The following EYS variants were observed in gnomAD, a reference collection of about 807,000 sequenced individuals.
EYS encodes EGF-like photoreceptor maintenance factor.
A neutral mutation model predicts 282.1 loss-of-function variants in EYS; 250 were observed. That is an observed-to-expected ratio of 0.89 (90% CI 0.80 to 0.98). The LOEUF is 0.98. EYS is among the 50% of genes least tolerant of loss of function. The probability of loss-of-function intolerance (pLI) is 0.00; values close to 1 mark genes in which losing one functional copy is unlikely to be tolerated. For synonymous variants in EYS, 1,355 were observed against 1,282.9 expected (o/e 1.06, Z -1.20); for missense variants, 4,016 against 3,709.0 (o/e 1.08, Z -2.15).
chr6:64,028,656 T>C (rs1308811605), intron 33 of EYS, among the ~76,000 whole-genome samples: 1 of 152,186 alleles, frequency 6.6e-6, no homozygotes, highest in Non-Finnish European at 1.5e-5. Flanking sequence ...GTGGATGGTC[T>C]TGCCCCAAGG....
chr6:64,477,142 G>A (rs142125307), intron 26 of EYS, among the ~76,000 whole-genome samples: 314 of 152,190 alleles, frequency 2.1e-3, no homozygotes, highest in African/African-American at 6.8e-3. Context: ...TTCCCTTCAA[G>A]GGTTCTACAC....
chr6:64,139,996 A>C (rs985832324), intron 31 of EYS, among the ~76,000 whole-genome samples: 2 of 145,496 alleles, frequency 1.4e-5, no homozygotes, highest in African/African-American at 5.6e-5. Context: ...TAAATAAATA[A>C]ATAAATAAAT....
intron 29 of EYS, among the ~76,000 whole-genome samples, chr6:64,311,538 G>A (rs1769701939): frequency 6.6e-6 from 1 of 152,102 alleles, no homozygotes; most frequent in Admixed American, 6.5e-5. Flanking sequence ...TATAATTCAT[G>A]GTACTAAGCA....
intron 22 of EYS, among the ~76,000 whole-genome samples, chr6:64,703,773 G>A (rs1361713023): frequency 1.3e-5 from 2 of 152,136 alleles, no homozygotes; most frequent in Middle Eastern, 3.4e-3. Context: ...GACAAATTGT[G>A]AAACAAAAGC....
intron 26 of EYS, among the ~76,000 whole-genome samples, chr6:64,474,050 C>T (rs1369875250): frequency 6.6e-6 from 1 of 152,120 alleles, no homozygotes; most frequent in African/African-American, 2.4e-5. Context: ...TTTAGTTCCC[C>T]AACCTAAAAG....
chr6:65,636,834 A>C (rs931372194), intron 2 of EYS, among the ~76,000 whole-genome samples: 1 of 152,084 alleles, frequency 6.6e-6, no homozygotes, highest in Non-Finnish European at 1.5e-5. Flanking sequence ...TTGAGGCAGG[A>C]TCTCAATTCT....
chr6:64,682,678 T>C (rs536193850), intron 22 of EYS, among the ~76,000 whole-genome samples: 1 of 151,790 alleles, frequency 6.6e-6, no homozygotes, highest in South Asian at 2.1e-4. Context: ...CCTAAGGGAG[T>C]AGTATTGAGA....
chr6:63,842,958 T>G (rs1399014544), intron 36 of EYS, among the ~76,000 whole-genome samples: 1 of 152,200 alleles, frequency 6.6e-6, no homozygotes, highest in Non-Finnish European at 1.5e-5. Context: ...TCTGTTCCAT[T>G]GGCCTACATA....
chr6:64,197,908 A>G (rs2150320373), intron 31 of EYS, among the ~76,000 whole-genome samples: 1 of 151,794 alleles, frequency 6.6e-6, no homozygotes. Context: ...CATTGACTCT[A>G]ATGACTTAAA....
chr6:65,477,644 A>AT (rs1211420039), intron 5 of EYS, among the ~76,000 whole-genome samples: 6 of 152,238 alleles, frequency 3.9e-5, no homozygotes, highest in African/African-American at 1.2e-4. Context: ...CAGTTATTAC[A>AT]TTTTTTTCAC....
intron 33 of EYS, among the ~76,000 whole-genome samples, chr6:64,038,493 G>T (rs1278350310): frequency 3.3e-5 from 5 of 151,940 alleles, no homozygotes; most frequent in Non-Finnish European, 7.4e-5. Flanking sequence ...ATCTTCTAGA[G>T]CTGAGGTTTT....
intron 41 of EYS, among the ~76,000 whole-genome samples, chr6:63,749,369 C>A (rs1018912849): frequency 8.5e-5 from 13 of 152,070 alleles, no homozygotes; most frequent in Admixed American, 6.6e-4. Flanking sequence ...GATTTCAGTT[C>A]TTTTGCATTT....
chr6:64,322,111 A>G (rs1770237997), intron 29 of EYS, among the ~76,000 whole-genome samples: 1 of 152,044 alleles, frequency 6.6e-6, no homozygotes, highest in Non-Finnish European at 1.5e-5. Flanking sequence ...GGTAGTAAGC[A>G]CAGGGTCACC....
intron 36 of EYS, among the ~76,000 whole-genome samples, chr6:63,814,010 G>A (rs902558639): frequency 2.0e-5 from 3 of 152,100 alleles, no homozygotes; most frequent in African/African-American, 4.8e-5. Context: ...GAGTATACAC[G>A]TCTTTCCTCT....
At chr6:64,090,794 A>G (rs777998509) in intron 31 of EYS, among the ~76,000 whole-genome samples, 34 of 152,020 alleles carry the variant, frequency 2.2e-4, no homozygotes, top group African/African-American at 5.3e-4. Flanking sequence ...ACATCATTCT[A>G]TATTTGGTTA....
rs1181124664 is a variant in EYS at position 63,739,367 on chromosome 6, GAGCTCTTTAGAGTCATTTCACATTGA to G, written c.8072-12713_8072-12688del. 5.9e-5 allele frequency among the ~76,000 whole-genome samples: 9 copies of G among 152,028 alleles called. No homozygotes were observed. In the South Asian group the frequency reaches 1.9e-3, roughly 32 times the overall value. Reference sequence around the variant, plus strand: ...TCACAGGGAGCTCTGGAGCTCCCTGGAGCTCTTTAGAGTCATTTCACATTGAAGCAAAGTGGCCAGGTCTTTGGAGC... The same window carrying G: ...TCACAGGGAGCTCTGGAGCTCCCTGGAGCAAAGTGGCCAGGTCTTTGGAGC... On this transcript the variant is annotated intron_variant, in intron 41 of 42. Coordinates refer to ENST00000503581, the MANE Select transcript of EYS (RefSeq NM_001142800.2).
At chr6:65,152,884 T>C (rs1764645522) in intron 12 of EYS, among the ~76,000 whole-genome samples, 1 of 151,504 alleles carries the variant, frequency 6.6e-6, no homozygotes, top group African/African-American at 2.4e-5. Flanking sequence ...TACACCCTGA[T>C]GCTGCTCTAG....
intron 18 of EYS, among the ~76,000 whole-genome samples, chr6:64,899,032 A>C (rs781665947): frequency 6.6e-6 from 1 of 152,098 alleles, no homozygotes; most frequent in African/African-American, 2.4e-5. Context: ...CCCACTGTCA[A>C]TATTAGACAG....
At chr6:64,910,537 A>G (rs1358620124) in intron 16 of EYS, among the ~76,000 whole-genome samples, 1 of 152,100 alleles carries the variant, frequency 6.6e-6, no homozygotes, top group Non-Finnish European at 1.5e-5. Flanking sequence ...GTACTGAATC[A>G]CAATCACAAA....
Sources: gnomAD v4.1 joint callset for allele counts (sites outside exome capture counted in the v4.1 genomes callset) on GRCh38, gnomAD v4.1.1 for gene constraint, MANE v1.5 for transcripts, NCBI Gene and HGNC (gene_info 2026-07-23, HGNC 2026-07-21) for gene names.